The following MOGS variants were observed in gnomAD, a reference collection of about 807,000 sequenced individuals.
The protein encoded by MOGS is epididymis secretory sperm binding protein.
MOGS carries 45 observed loss-of-function variants against 68.5 expected under a neutral mutation model. The ratio of observed to expected loss-of-function variants is 0.66; its 90% CI spans 0.52 to 0.84. The LOEUF is 0.84. Among genes scored for constraint, MOGS ranks in the 40% least tolerant of loss-of-function variants. The pLI is 0.00. For synonymous variants in MOGS, 492 were observed against 461.2 expected, an observed-to-expected ratio of 1.07 and a Z score of -0.86; for missense variants, 1,020 against 1,095.0, an observed-to-expected ratio of 0.93 and a Z score of 0.97.
In MOGS at chr2:74,464,986, G is replaced by T. The variant is rs866878210; in HGVS notation, c.262C>A (p.Pro88Thr). Reference protein sequence around the residue: ...PPVLPADSSSPAVAPDLFWGT... With the variant: ...PPVLPADSSSTAVAPDLFWGT... Reference sequence around the variant, plus strand: ...CAGAAGAGGTCCGGGGCCACGGCGGGGCTGGAGGAGTCGGCAGGCAACACA... The same window carrying T: ...CAGAAGAGGTCCGGGGCCACGGCGGTGCTGGAGGAGTCGGCAGGCAACACA... Residue 88 changes from proline (P) to threonine (T), a missense_variant, in exon 1 of 4, where the codon CCC (proline) becomes ACC (threonine). Physicochemically the swap from Pro to Thr is conservative, Grantham distance 38 (BLOSUM62 -1). Coordinates refer to ENST00000448666, the MANE Select transcript of MOGS (RefSeq NM_006302.3). 14 of 1,562,490 alleles carry T rather than the reference G, an allele frequency of 9.0e-6. 1 individual carries two copies. In the Middle Eastern group the frequency reaches 2.2e-3, roughly 243 times the overall value.
In MOGS at chr2:74,462,299, C is replaced by G; in HGVS notation, c.1490G>C (p.Arg497Pro). 1 of 1,613,842 alleles carries G rather than the reference C, an allele frequency of 6.2e-7. No individual in the cohort carries two copies. Among genetic ancestry groups the G allele is most frequent in the East Asian group, 2.2e-5 (1 of 44,886 alleles). ...TTGTACTAGGAATTCTGGAGGCACC[C>G]GGGCTCGGGCCTCATCCCCCAGTAT... is the stretch of plus-strand genomic sequence containing the variant. ...EQILGDEARARVPPEFLVQRA... is the reference protein window; with the variant it reads ...EQILGDEARAPVPPEFLVQRA... The change falls in exon 4 of 4, where the codon CGG becomes CCG. Residue 497 changes from arginine (R) to proline (P), a missense_variant. Physicochemically the swap from Arg to Pro is moderately radical, Grantham distance 103 (BLOSUM62 -2). Transcript: ENST00000448666.
rs1488430697 is a variant in MOGS, at chr2:74,462,546, T to C, written c.1243A>G (p.Ile415Val). The part of the protein sequence containing the change: ...FYGQGLVLPD[I>V]GVEGSEQKVD... ...TTCTGCTCAGACCCTTCCACCCCGA[T>C]GTCTGGCAATACCAGCCCTTGTCCG... The change falls in exon 4 of 4, where the codon ATC (isoleucine) becomes GTC (valine). Residue 415 changes from isoleucine to valine, a missense_variant. Around this residue, in one of 3 missense-constraint regions of MOGS, gnomAD observed 569 missense variants for 571.9 expected, o/e 0.99. Transcript: ENST00000448666. The C allele has an allele frequency of 6.2e-7, 1 of 1,610,624 alleles. No homozygotes were observed. Among genetic ancestry groups the C allele is most frequent in the African/African-American group, 1.3e-5 (1 of 74,792 alleles).
chr2:74,464,163 T>C (rs1015692520), intron 2 of MOGS, among the ~76,000 whole-genome samples: 2 of 151,194 alleles, frequency 1.3e-5, no homozygotes, highest in African/African-American at 4.9e-5. Context: ...TTCTCCATTT[T>C]GGTCAGGCTG....
chr2:74,464,895 C>G lies in MOGS; in HGVS notation c.352+1G>C, dbSNP rs1342454801. 1 of 1,605,812 alleles carries G rather than the reference C, an allele frequency of 6.2e-7. No homozygotes were observed. The highest frequency in any genetic ancestry group is 1.7e-5 in the Admixed American group (1 of 58,990). ...GCCTGCCCGCCCTGGGGCCCGGTTACCGGTGAGGAGGGGCTTCGGGCTGCG... is the reference window on the plus strand; with the variant it reads ...GCCTGCCCGCCCTGGGGCCCGGTTAGCGGTGAGGAGGGGCTTCGGGCTGCG... On this transcript the variant is annotated splice_donor_variant, in intron 1 of 3. Transcript: ENST00000448666. LOFTEE classifies it high-confidence loss of function.
At position 74,461,748 on chromosome 2, in the gene MOGS, G is replaced by A; in HGVS notation, c.2041C>T (p.Pro681Ser). The change falls in exon 4 of 4, where the codon CCT becomes TCT. Residue 681 changes from proline (P) to serine (S), a missense_variant. Pro to Ser is a moderately conservative substitution (Grantham distance 74). Around this residue, in one of 3 missense-constraint regions of MOGS, gnomAD observed 270 missense variants for 261.3 expected, o/e 1.03. Coordinates refer to ENST00000448666, the MANE Select transcript of MOGS (RefSeq NM_006302.3). ...GLVRVVGRPQ[P>S]QLQYVDALGY... The stretch of plus-strand genomic sequence containing the variant: ...AGAGCATCTACATACTGCAGTTGAG[G>A]TTGGGGCCGACCCACCACCCGAACG... The A allele has an allele frequency of 1.2e-6, 2 of 1,614,236 alleles. No homozygotes were observed. The highest frequency in any genetic ancestry group is 1.7e-6 in the Non-Finnish European group (2 of 1,180,050).
At position 74,465,146 on chromosome 2, in the gene MOGS, G is replaced by C; in HGVS notation, c.102C>G (p.Gly34=). 3.9e-6 allele frequency: 6 copies of C among 1,531,510 alleles called. No individual in the cohort carries two copies. Among genetic ancestry groups the C allele is most frequent in the Non-Finnish European group, 5.2e-6 (6 of 1,144,794 alleles). The allele number at this position is 1,531,510 out of a possible 1,614,324, so 94.9% of individuals were successfully genotyped here. Residue 34 remains glycine, a synonymous_variant, in exon 1 of 4, where the codon GGC becomes GGG. Coordinates refer to ENST00000448666, the MANE Select transcript of MOGS (RefSeq NM_006302.3). ...CTCCAGCCGTGCTACGCGGCCCGCCGCCCCGGCCGTCCCGTCGCCCGGGGC... is the reference window on the plus strand; with the variant it reads ...CTCCAGCCGTGCTACGCGGCCCGCCCCCCCGGCCGTCCCGTCGCCCGGGGC... ...RGGPGRRDGR[G]GGPRSTAGGV... is the part of the protein sequence containing the mutation.
rs886056339 is a variant in MOGS, at chr2:74,465,353, G to A, written c.-106C>T. The A allele has an allele frequency of 3.5e-6, 2 of 574,922 alleles. No individual in the cohort carries two copies. Among genetic ancestry groups the A allele is most frequent in the Non-Finnish European group, 5.4e-6 (2 of 369,940 alleles). 35.6% of individuals were successfully genotyped at this position (574,922 alleles called of 1,614,324 possible). A position where few individuals can be genotyped will look rare whatever the true frequency, so the allele number is the denominator to read the frequency against. ...CCTCTCGCCCTGGCGACCACCGTCC[G>A]GTTAGCGACACCTGCCAGCCAGCGC... is the stretch of plus-strand genomic sequence containing the variant. On this transcript the variant is annotated 5_prime_UTR_variant, in exon 1 of 4. Coordinates refer to ENST00000448666, the MANE Select transcript of MOGS (RefSeq NM_006302.3).
At position 74,463,460 on chromosome 2, in the gene MOGS, G is replaced by C. The variant is rs932315123; in HGVS notation, c.580-74C>G. On this transcript the variant is annotated intron_variant, in intron 2 of 3. Coordinates refer to ENST00000448666, the MANE Select transcript of MOGS (RefSeq NM_006302.3). The stretch of plus-strand genomic sequence containing the variant: ...CTCTTGAATTCCCTCTTGAGAATCA[G>C]CCTTAGTGAGGGAAAGGAACAGTAG... 3 of 1,481,990 alleles carry C rather than the reference G, an allele frequency of 2.0e-6. No homozygotes were observed. In the African/African-American group the frequency reaches 4.2e-5, roughly 21 times the overall value. 91.8% of individuals were successfully genotyped at this position (1,481,990 alleles called of 1,614,324 possible).
In MOGS at chr2:74,464,975, G is replaced by A. The variant is rs780248389; in HGVS notation, c.273C>T (p.Ala91=). 4.4e-6 allele frequency: 7 copies of A among 1,573,166 alleles called. No individual in the cohort carries two copies. The highest frequency in any genetic ancestry group is 6.0e-6 in the Non-Finnish European group (7 of 1,158,836). The change falls in exon 1 of 4, where the codon GCC becomes GCT. Residue 91 remains alanine, a synonymous_variant. Coordinates refer to ENST00000448666, the MANE Select transcript of MOGS (RefSeq NM_006302.3). Reference sequence around the variant, plus strand: ...GGTAGGTTCCCCAGAAGAGGTCCGGGGCCACGGCGGGGCTGGAGGAGTCGG... The same window carrying A: ...GGTAGGTTCCCCAGAAGAGGTCCGGAGCCACGGCGGGGCTGGAGGAGTCGG... ...LPADSSSPAV[A]PDLFWGTYRP...
At chr2:74,463,531 C>G in intron 2 of MOGS, 145 bp from the exon 3 acceptor site, 1 of 841,872 alleles carries the variant, frequency 1.2e-6, no homozygotes, top group East Asian at 2.7e-5. Context: ...ATGAGGGTCA[C>G]TGAGGGTAAC....
rs1034283610 is a variant in MOGS, at chr2:74,462,170, C to CG, written c.1618dup (p.Arg540ProfsTer45). The CG allele has an allele frequency of 3.1e-6, 5 of 1,613,952 alleles. No individual in the cohort carries two copies. Among genetic ancestry groups the CG allele is most frequent in the Non-Finnish European group, 3.4e-6 (4 of 1,179,950 alleles). ...GAGCCAGGAAAACCAGGCATGCAGGCGGGGCAAGGCCTTTCGGAGGAAAGC... is the reference window on the plus strand; with the variant it reads ...GAGCCAGGAAAACCAGGCATGCAGGCGGGGGCAAGGCCTTTCGGAGGAAAGC... On this transcript the variant is annotated frameshift_variant, in exon 4 of 4. Transcript: ENST00000448666. LOFTEE classifies it high-confidence loss of function.
Position 74,461,631 on chromosome 2 carries a change from G to A in MOGS, c.2158C>T (p.Arg720Cys), listed in dbSNP as rs779843206. The part of the protein sequence containing the change: ...GPLLDILADS[R>C]HLWSPFGLRS... ...AAACCAAAGGGGCTCCAGAGATGGC[G>A]GCTGTCGGCTAGAATGTCCAGCAGG... The change falls in exon 4 of 4, where the codon CGC becomes TGC. Residue 720 changes from arginine to cysteine, a missense_variant. Around this residue, in one of 3 missense-constraint regions of MOGS, gnomAD observed 270 missense variants for 261.3 expected, o/e 1.03. Coordinates refer to ENST00000448666, the MANE Select transcript of MOGS (RefSeq NM_006302.3). 32 of 1,613,934 alleles carry A rather than the reference G, an allele frequency of 2.0e-5. No individual in the cohort carries two copies. Among genetic ancestry groups the A allele is most frequent in the African/African-American group, 4.0e-5 (3 of 74,932 alleles).
intron 2 of MOGS, 105 bp downstream of exon 2, chr2:74,464,391 G>A: frequency 1.9e-6 from 2 of 1,066,006 alleles, no homozygotes; most frequent in East Asian, 5.0e-5. Context: ...GTTTAAGGCA[G>A]GATTTAAGCC....
rs778804035 is a variant in MOGS at position 74,461,568 on chromosome 2, G to A, written c.2221C>T (p.Arg741Cys). The A allele has an allele frequency of 9.3e-6, 15 of 1,613,938 alleles. No individual in the cohort carries two copies. Among genetic ancestry groups the A allele is most frequent in the African/African-American group, 2.7e-5 (2 of 75,028 alleles). ...TAGGGGGGATCATGCTCTGAATTGCGCTGGCCATAAAAGGAGCTGGAGGCT... is the reference window on the plus strand; with the variant it reads ...TAGGGGGGATCATGCTCTGAATTGCACTGGCCATAAAAGGAGCTGGAGGCT... ...LAASSSFYGQ[R>C]NSEHDPPYWR... The change falls in exon 4 of 4, where the codon CGC (arginine) becomes TGC (cysteine). Residue 741 changes from arginine to cysteine, a missense_variant. Transcript: ENST00000448666.
rs1323710673 is a variant in MOGS, at chr2:74,463,467, T to G, written c.580-81A>C. ...ATTCCCTCTTGAGAATCAGCCTTAG[T>G]GAGGGAAAGGAACAGTAGGCAGGGG... On this transcript the variant is annotated intron_variant, in intron 2 of 3. Transcript: ENST00000448666. The G allele has an allele frequency of 7.6e-6, 11 of 1,444,952 alleles. No individual in the cohort carries two copies. In the African/African-American group the frequency reaches 1.5e-4, roughly 20 times the overall value. The allele number at this position is 1,444,952 out of a possible 1,614,324, so 89.5% of individuals were successfully genotyped here. A position where few individuals can be genotyped will look rare whatever the true frequency, so the allele number is the denominator to read the frequency against.
chr2:74,461,777 C>T lies in MOGS; in HGVS notation c.2012G>A (p.Gly671Glu). 5 of 1,614,202 alleles carry T rather than the reference C, an allele frequency of 3.1e-6. No homozygotes were observed. The highest frequency in any genetic ancestry group is 4.2e-6 in the Non-Finnish European group (5 of 1,180,044). Residue 671 changes from glycine (G) to glutamate (E), a missense_variant, in exon 4 of 4, where the codon GGG becomes GAG. Transcript: ENST00000448666. ...GGGCCGACCCACCACCCGAACGAGC[C>T]CCTGAGGGGGCCTGGGCTTCAGCTG... is the stretch of plus-strand genomic sequence containing the variant. Reference protein sequence around the residue: ...AVQLKPRPPQGLVRVVGRPQP... With the variant: ...AVQLKPRPPQELVRVVGRPQP...
Position 74,463,522 on chromosome 2 carries a change from T to A in MOGS, c.580-136A>T, listed in dbSNP as rs183106810. Reference sequence around the variant, plus strand: ...GTAAACAACATACGTCTGGCAGTAATGAGGGTCACTGAGGGTAACCAGGTA... The same window carrying A: ...GTAAACAACATACGTCTGGCAGTAAAGAGGGTCACTGAGGGTAACCAGGTA... On this transcript the variant is annotated intron_variant, in intron 2 of 3. Coordinates refer to ENST00000448666, the MANE Select transcript of MOGS (RefSeq NM_006302.3). The A allele has an allele frequency of 2.2e-5, 19 of 852,884 alleles. 1 individual carries two copies. In the East Asian group the frequency reaches 4.8e-4, roughly 21 times the overall value. 52.8% of individuals were successfully genotyped at this position (852,884 alleles called of 1,614,324 possible). A position where few individuals can be genotyped will look rare whatever the true frequency, so the allele number is the denominator to read the frequency against.
rs769551836 is a variant in MOGS at position 74,461,535 on chromosome 2, C to G, written c.2254G>C (p.Gly752Arg). ...TAGTTGACATTGAGCCACACAGCAC[C>G]CCGCCAGTAGGGGGGATCATGCTCT... Reference protein sequence around the residue: ...NSEHDPPYWRGAVWLNVNYLA... With the variant: ...NSEHDPPYWRRAVWLNVNYLA... Residue 752 changes from glycine (G) to arginine (R), a missense_variant, in exon 4 of 4, where the codon GGT (glycine) becomes CGT (arginine). This residue lies in a region of MOGS where 270 missense variants were observed against 261.3 expected (regional missense o/e 1.03). Transcript: ENST00000448666. 6.2e-7 allele frequency: 1 copy of G among 1,613,998 alleles called. No homozygotes were observed. Among genetic ancestry groups the G allele is most frequent in the Non-Finnish European group, 8.5e-7 (1 of 1,179,930 alleles).
At position 74,463,357 on chromosome 2, in the gene MOGS, G is replaced by T. The variant is rs1381189919; in HGVS notation, c.609C>A (p.Val203=). 9.3e-6 allele frequency: 15 copies of T among 1,614,058 alleles called. No individual in the cohort carries two copies. The highest frequency in any genetic ancestry group is 1.3e-5 in the Non-Finnish European group (15 of 1,180,044). The part of the protein sequence containing the change: ...QDSGTSALPL[V]SLFFYVVTDG... ...CTGTCACCACATAGAAGAACAGGGA[G>T]ACCAAAGGGAGGGCAGAAGTACCTG... Residue 203 remains valine, a synonymous_variant, in exon 3 of 4, where the codon GTC becomes GTA. Transcript: ENST00000448666.
Sources: gnomAD v4.1 joint callset for allele counts (sites outside exome capture counted in the v4.1 genomes callset) on GRCh38, gnomAD v4.1.1 for gene constraint, gnomAD v4.1.1 regional missense constraint, MANE v1.5 for transcripts, NCBI Gene and HGNC (gene_info 2026-07-23, HGNC 2026-07-21) for gene names.